CELSR1: variants seen among roughly 807,000 people sequenced by gnomAD.
CELSR1 encodes adhesion G protein-coupled receptor C1.
Under a neutral mutation model 249.1 loss-of-function variants are expected in CELSR1, and 110 were observed. That is an observed-to-expected ratio of 0.44 (90% CI 0.38 to 0.52). CELSR1 has a LOEUF of 0.52. CELSR1 is among the 20% of genes least tolerant of loss of function. CELSR1 has a pLI of 0.00. For synonymous variants in CELSR1, 2,113 were observed against 1,900.0 expected (o/e 1.11, Z -2.92); for missense variants, 4,109 against 4,296.4 (o/e 0.96, Z 1.22).
intron 25 of CELSR1, 68 bp downstream of exon 25, chr22:46,372,815 C>A: frequency 3.3e-6 from 5 of 1,516,994 alleles, no homozygotes; most frequent in Non-Finnish European, 4.4e-6. Context: ...AGGAGGGCAG[C>A]GTTCCTGCAC....
chr22:46,386,429 G>A lies in CELSR1; in HGVS notation c.6712C>T (p.Pro2238Ser). ...ARNVRRTYLRPFVIVTANMIL... is the reference protein window; with the variant it reads ...ARNVRRTYLRSFVIVTANMIL... ...ATGTTGGCGGTGACGATGACGAAGG[G>A]CCGCAGGTACGTCCGCCGCACGTTG... The change falls in exon 19 of 35, where the codon CCC becomes TCC. Residue 2238 changes from proline (P) to serine (S), a missense_variant. Pro to Ser is a moderately conservative substitution (Grantham distance 74). This residue lies in a region of CELSR1 where 1,805 missense variants were observed against 1,831.6 expected (regional missense o/e 0.99). Coordinates refer to ENST00000674500, the MANE Select transcript of CELSR1 (RefSeq NM_001378328.1). The A allele has an allele frequency of 1.3e-6, 2 of 1,590,580 alleles. No individual in the cohort carries two copies. Among genetic ancestry groups the A allele is most frequent in the Non-Finnish European group, 1.7e-6 (2 of 1,169,118 alleles).
chr22:46,427,502 C>T lies in CELSR1; in HGVS notation c.4611+5891G>A, dbSNP rs115825288. Reference sequence around the variant, plus strand: ...CAGTGAGCCAAGACAGCAACAAAGGCGCCTGGGCGACAGAGCGGGACTCCA... The same window carrying T: ...CAGTGAGCCAAGACAGCAACAAAGGTGCCTGGGCGACAGAGCGGGACTCCA... On this transcript the variant is annotated intron_variant, in intron 5 of 34. Coordinates refer to ENST00000674500, the MANE Select transcript of CELSR1 (RefSeq NM_001378328.1). The surrounding 1 kb of genome is among the most constrained non-coding windows in gnomAD (Gnocchi z 4.2). Among the ~76,000 whole-genome samples the T allele has an allele frequency of 0.023, 3,479 of 152,208 alleles. 115 individuals carry two copies. The highest frequency in any genetic ancestry group is 0.08 in the African/African-American group (3,305 of 41,506).
chr22:46,461,529 T>C (rs2080027103), intron 2 of CELSR1, among the ~76,000 whole-genome samples: 6 of 152,176 alleles, frequency 3.9e-5, no homozygotes, highest in Admixed American at 3.9e-4. Flanking sequence ...GATGCAGGTC[T>C]CAAAGCCACG....
rs1375959411 is a variant in CELSR1, at chr22:46,422,008, A to T, written c.4612-10249T>A. Among the ~76,000 whole-genome samples, 3 of 152,272 alleles carry T rather than the reference A, an allele frequency of 2.0e-5. No individual in the cohort carries two copies. In the East Asian group the frequency reaches 5.8e-4, roughly 29 times the overall value. On this transcript the variant is annotated intron_variant, in intron 5 of 34. Transcript: ENST00000674500. ...AGCCTGCATGGCCACCTCCTTTATCATAAGGATTTTACATACTTTGCAAGG... is the reference window on the plus strand; with the variant it reads ...AGCCTGCATGGCCACCTCCTTTATCTTAAGGATTTTACATACTTTGCAAGG...
chr22:46,527,031 C>G lies in CELSR1; in HGVS notation c.3544+6596G>C, dbSNP rs925632822. ...ACAGACAGGGAACATGCCTTAGGAG[C>G]TGCCCGGTCCAGGTTCAAATCCCAC... On this transcript the variant is annotated intron_variant, in intron 1 of 34. Transcript: ENST00000674500. The surrounding 1 kb of genome is among the most constrained non-coding windows in gnomAD (Gnocchi z 5.5). Among the ~76,000 whole-genome samples the G allele has an allele frequency of 2.0e-5, 3 of 152,204 alleles. No individual in the cohort carries two copies. Among genetic ancestry groups the G allele is most frequent in the African/African-American group, 7.2e-5 (3 of 41,438 alleles).
At chr22:46,377,403 G>T in intron 23 of CELSR1, 142 bp from the exon 24 acceptor site, 1 of 895,896 alleles carries the variant, frequency 1.1e-6, no homozygotes, top group Non-Finnish European at 1.7e-6. Context: ...GAGGCCGAGT[G>T]CTCATGGCTC....
At position 46,363,463 on chromosome 22, in the gene CELSR1, C is replaced by A; in HGVS notation, c.9036-216G>T. 3.8e-6 allele frequency: 2 copies of A among 522,652 alleles called. No homozygotes were observed. Among genetic ancestry groups the A allele is most frequent in the Non-Finnish European group, 3.4e-6 (1 of 289,910 alleles). The allele number at this position is 522,652 out of a possible 1,614,324, so 32.4% of individuals were successfully genotyped here. A position where few individuals can be genotyped will look rare whatever the true frequency, so the allele number is the denominator to read the frequency against. ...GCCTGTGGGCCTCTGTGTTGCTGGT[C>A]TTTCAGAAGAGCGCAAGGAATCCAC... On this transcript the variant is annotated intron_variant, in intron 34 of 34. Transcript: ENST00000674500. This position sits in a 1 kb window ranked among gnomAD's most constrained non-coding sequence, Gnocchi z 4.3.
At position 46,409,462 on chromosome 22, in the gene CELSR1, G is replaced by C. The variant is rs1396999543; in HGVS notation, c.5059+293C>G. Among the ~76,000 whole-genome samples the C allele has an allele frequency of 2.0e-5, 3 of 152,166 alleles. No individual in the cohort carries two copies. The highest frequency in any genetic ancestry group is 6.5e-5 in the Admixed American group (1 of 15,278). Reference sequence around the variant, plus strand: ...GGCTTGACAGGAGGCAGACGGGGGCGGGTTCAGGATCCCTGGGCTCCGTGG... The same window carrying C: ...GGCTTGACAGGAGGCAGACGGGGGCCGGTTCAGGATCCCTGGGCTCCGTGG... On this transcript the variant is annotated intron_variant, in intron 8 of 34. Coordinates refer to ENST00000674500, the MANE Select transcript of CELSR1 (RefSeq NM_001378328.1). This position sits in a 1 kb window ranked among gnomAD's most constrained non-coding sequence, Gnocchi z 9.8.
chr22:46,497,796 T>C (rs2080427340), intron 1 of CELSR1, among the ~76,000 whole-genome samples: 1 of 151,930 alleles, frequency 6.6e-6, no homozygotes, highest in Non-Finnish European at 1.5e-5. Flanking sequence ...TCCTATGGGG[T>C]TTTCTTTTCT....
In CELSR1 at chr22:46,436,047, C is replaced by T; in HGVS notation, c.4522+127G>A. 1.4e-6 allele frequency: 1 copy of T among 692,512 alleles called. No individual in the cohort carries two copies. The highest frequency in any genetic ancestry group is 2.5e-6 in the Non-Finnish European group (1 of 406,558). The allele number at this position is 692,512 out of a possible 1,614,324, so 42.9% of individuals were successfully genotyped here. On this transcript the variant is annotated intron_variant, in intron 4 of 34. Transcript: ENST00000674500. This position sits in a 1 kb window ranked among gnomAD's most constrained non-coding sequence, Gnocchi z 5.9. ...TTGGATTTCTTAAATAAGACAGCTT[C>T]CTAGACCTACAAGTGAGGGATGAAA...
rs1408218077 is a variant in CELSR1 at position 46,434,300 on chromosome 22, T to C, written c.4523-819A>G. Reference sequence around the variant, plus strand: ...CTGGAGTGGGGCGGGCGAGTCCCTTTGGGGATTCTGGGGCACAACCCTGAG... The same window carrying C: ...CTGGAGTGGGGCGGGCGAGTCCCTTCGGGGATTCTGGGGCACAACCCTGAG... On this transcript the variant is annotated intron_variant, in intron 4 of 34. Transcript: ENST00000674500. The surrounding 1 kb of genome is among the most constrained non-coding windows in gnomAD (Gnocchi z 4.9). 1.3e-5 allele frequency among the ~76,000 whole-genome samples: 2 copies of C among 152,192 alleles called. No individual in the cohort carries two copies. The highest frequency in any genetic ancestry group is 2.9e-5 in the Non-Finnish European group (2 of 68,032).
At chr22:46,477,510 T>C (rs1222246731) in intron 1 of CELSR1, among the ~76,000 whole-genome samples, 1 of 110,504 alleles carries the variant, frequency 9.0e-6, no homozygotes, top group Non-Finnish European at 1.9e-5. Flanking sequence ...TTTTGTTTTA[T>C]TGGCTTTTTT....
chr22:46,381,813 G>T lies in CELSR1; in HGVS notation c.7088+33C>A. 2.6e-6 allele frequency: 4 copies of T among 1,529,026 alleles called. No homozygotes were observed. The highest frequency in any genetic ancestry group is 3.5e-6 in the Non-Finnish European group (4 of 1,139,088). The allele number at this position is 1,529,026 out of a possible 1,614,324, so 94.7% of individuals were successfully genotyped here. On this transcript the variant is annotated intron_variant, in intron 21 of 34. Coordinates refer to ENST00000674500, the MANE Select transcript of CELSR1 (RefSeq NM_001378328.1). This position sits in a 1 kb window ranked among gnomAD's most constrained non-coding sequence, Gnocchi z 6.0. Reference sequence around the variant, plus strand: ...GAAGCCTCAGGAGCCTCCAGAACGGGCCCTCCCCGTGTGCCCCGTGCCCAG... The same window carrying T: ...GAAGCCTCAGGAGCCTCCAGAACGGTCCCTCCCCGTGTGCCCCGTGCCCAG...
rs372679658 is a variant in CELSR1 at position 46,517,544 on chromosome 22, C to T, written c.3544+16083G>A. ...CCGGCTCTTGTCTTGGTACCTCTGT[C>T]CACAGTAAGGTGCCCCTGCAGACAC... On this transcript the variant is annotated intron_variant, in intron 1 of 34. Coordinates refer to ENST00000674500, the MANE Select transcript of CELSR1 (RefSeq NM_001378328.1). This position sits in a 1 kb window ranked among gnomAD's most constrained non-coding sequence, Gnocchi z 5.4. Among the ~76,000 whole-genome samples, 16 of 152,336 alleles carry T rather than the reference C, an allele frequency of 1.1e-4. No individual in the cohort carries two copies. Among genetic ancestry groups the T allele is most frequent in the African/African-American group, 3.4e-4 (14 of 41,582 alleles).
chr22:46,463,673 T>A, intron 2 of CELSR1, 34 bp downstream of exon 2: 1 of 1,486,850 alleles, frequency 6.7e-7, no homozygotes, highest in Non-Finnish European at 8.9e-7. Flanking sequence ...CCTGGGGACA[T>A]GTACACAAAG....
At chr22:46,403,392 C>CAAAAAAAAAAAAA in intron 9 of CELSR1, among the ~76,000 whole-genome samples, 1 of 116,226 alleles carries the variant, frequency 8.6e-6, no homozygotes, top group Middle Eastern at 4.6e-3. Context: ...ACTAAAAATA[C>CAAAAAAAAAAAAA]AAAAAAAAAA....
chr22:46,452,453 C>G (rs778020231), intron 2 of CELSR1, among the ~76,000 whole-genome samples: 1 of 152,184 alleles, frequency 6.6e-6, no homozygotes, highest in African/African-American at 2.4e-5. Context: ...CCACAGGACT[C>G]TGGATACCAC....
intron 2 of CELSR1, among the ~76,000 whole-genome samples, chr22:46,455,264 C>T (rs1208432833): frequency 6.6e-6 from 1 of 152,208 alleles, no homozygotes; most frequent in Non-Finnish European, 1.5e-5. Context: ...GAGTCTCGCT[C>T]TGTCGCCCAG....
chr22:46,368,862 C>G (rs1274322352), intron 27 of CELSR1, among the ~76,000 whole-genome samples: 1 of 152,142 alleles, frequency 6.6e-6, no homozygotes, highest in African/African-American at 2.4e-5. Context: ...CTCCCCCACC[C>G]CACCCATCTC....
Sources: allele counts gnomAD v4.1 joint callset (sites outside exome capture counted in the v4.1 genomes callset), GRCh38; gene constraint gnomAD v4.1.1; regional missense constraint gnomAD v4.1.1; non-coding constraint Gnocchi (gnomAD v3.1); transcripts MANE v1.5; gene names NCBI Gene and HGNC (gene_info 2026-07-23, HGNC 2026-07-21).